NSUN5: variants seen among roughly 807,000 people sequenced by gnomAD.
NSUN5 encodes 28S rRNA (cytosine-C(5))-methyltransferase.
Under a neutral mutation model 51.1 loss-of-function variants are expected in NSUN5, and 39 were observed. The ratio of observed to expected loss-of-function variants is 0.76; its 90% CI spans 0.59 to 1.00. NSUN5 has a LOEUF of 1.00. Among genes scored for constraint, NSUN5 ranks in the 50% least tolerant of loss-of-function variants. The probability of loss-of-function intolerance (pLI) is 0.00; values close to 1 mark genes in which losing one functional copy is unlikely to be tolerated. For synonymous variants in NSUN5, 266 were observed against 271.5 expected, an observed-to-expected ratio of 0.98 and a Z score of 0.20; for missense variants, 526 against 614.0, an observed-to-expected ratio of 0.86 and a Z score of 1.51.
intron 4 of NSUN5, among the ~76,000 whole-genome samples, chr7:73,305,565 C>G (rs779853504): frequency 1.3e-5 from 2 of 150,780 alleles, no homozygotes; most frequent in Non-Finnish European, 2.9e-5. Flanking sequence ...CCCGGGTTCA[C>G]GCCATTCTCC....
intron 2 of NSUN5, 83 bp from the exon 3 acceptor site, chr7:73,307,840 C>A: frequency 8.0e-7 from 1 of 1,254,382 alleles, no homozygotes; most frequent in Non-Finnish European, 1.1e-6. Context: ...TAATGGAGCC[C>A]CGGCAATGGA....
rs1456729578 is a variant in NSUN5, at chr7:73,303,487, G to A, written c.1329C>T (p.Pro443=). The A allele has an allele frequency of 6.2e-7, 1 of 1,614,100 alleles. No individual in the cohort carries two copies. The highest frequency in any genetic ancestry group is 1.7e-5 in the Admixed American group (1 of 60,008). The change falls in exon 10 of 10, where the codon CCC becomes CCT. Residue 443 remains proline, a synonymous_variant. Coordinates refer to ENST00000438747, the MANE Select transcript of NSUN5 (RefSeq NM_148956.4). ...TCTTCTTTCTCTTTGGGGCTGGGCT[G>A]GGTGTGCGTTCTGGTGCTGATGCTT... ...QAKASAPERT[P]SPAPKRKKRQ... is the part of the protein sequence containing the mutation.
chr7:73,308,370 A>C (rs1804131661), intron 2 of NSUN5, 61 bp downstream of exon 2: 12 of 1,536,878 alleles, frequency 7.8e-6, no homozygotes, highest in African/African-American at 1.4e-5. Flanking sequence ...AGCAGAGCTG[A>C]GACCAGATGA....
intron 3 of NSUN5, 21 bp downstream of exon 3, chr7:73,307,562 C>T: frequency 1.9e-6 from 3 of 1,601,082 alleles, no homozygotes; most frequent in East Asian, 2.2e-5. Context: ...CTCCCCCACC[C>T]CCCAACTCCT....
chr7:73,308,200 C>T, intron 2 of NSUN5: 3 of 575,802 alleles, frequency 5.2e-6, no homozygotes, highest in South Asian at 5.7e-5. Context: ...CGCCCGACTT[C>T]CTTACAGTCT....
At chr7:73,307,849 G>A (rs1563292796) in intron 2 of NSUN5, 92 bp from the exon 3 acceptor site, 1 of 1,163,752 alleles carries the variant, frequency 8.6e-7, no homozygotes. Flanking sequence ...CCCGGCAATG[G>A]AATGGCTAAA....
chr7:73,304,843 A>G lies in NSUN5; in HGVS notation c.659T>C (p.Met220Thr). The G allele has an allele frequency of 3.1e-6, 5 of 1,613,886 alleles. No homozygotes were observed. The highest frequency in any genetic ancestry group is 1.7e-5 in the Admixed American group (1 of 60,014). The change falls in exon 6 of 10, where the codon ATG becomes ACG. Residue 220 changes from methionine to threonine, a missense_variant. Met to Thr is a moderately conservative substitution (Grantham distance 81, BLOSUM62 -1). Coordinates refer to ENST00000438747, the MANE Select transcript of NSUN5 (RefSeq NM_148956.4). ...LQDRASCLPA[M>T]LLDPPPGSHV... ...GGAGCCTGGCGGGGGGTCCAGCAGC[A>G]TGGCTGGGAGACAGCTGGCCTGGCA... is the stretch of plus-strand genomic sequence containing the variant.
At chr7:73,304,572 T>A (rs1395430749) in intron 6 of NSUN5, 164 bp from the exon 7 acceptor site, 34 of 847,486 alleles carry the variant, frequency 4.0e-5, no homozygotes, top group Non-Finnish European at 5.9e-5. Flanking sequence ...CCCCAAGGGC[T>A]AAGGGATCCA....
chr7:73,304,567 A>G (rs1554541505), intron 6 of NSUN5, 159 bp from the exon 7 acceptor site: 9 of 841,982 alleles, frequency 1.1e-5, no homozygotes, highest in Non-Finnish European at 1.7e-5. Flanking sequence ...CTCTGCCCCA[A>G]GGGCTAAGGG....
rs782480180 is a variant in NSUN5 at position 73,308,472 on chromosome 7, G to A, written c.175C>T (p.Leu59Phe). ...VLDAVIASAG[L>F]LRAEKKLRPH... ...CGCAGCTTCTTCTCCGCACGGAGGA[G>A]GCCGGCGCTGGCGATCACAGCATCC... The change falls in exon 2 of 10, where the codon CTC becomes TTC. Residue 59 changes from leucine (L) to phenylalanine (F), a missense_variant. Leu to Phe is a conservative substitution (Grantham distance 22). Transcript: ENST00000438747. 1.2e-6 allele frequency: 2 copies of A among 1,608,018 alleles called. No homozygotes were observed. Among genetic ancestry groups the A allele is most frequent in the African/African-American group, 1.3e-5 (1 of 74,938 alleles).
At position 73,304,799 on chromosome 7, in the gene NSUN5, C is replaced by T; in HGVS notation, c.703G>A (p.Ala235Thr). The T allele has an allele frequency of 1.9e-6, 3 of 1,613,954 alleles. No individual in the cohort carries two copies. Among genetic ancestry groups the T allele is most frequent in the Non-Finnish European group, 2.5e-6 (3 of 1,179,864 alleles). The change falls in exon 6 of 10, where the codon GCC (alanine) becomes ACC (threonine). Residue 235 changes from alanine (A) to threonine (T), a missense_variant. Coordinates refer to ENST00000438747, the MANE Select transcript of NSUN5 (RefSeq NM_148956.4). ...PPGSHVIDAC[A>T]APGNKTSHLA... ...TGACTGGTCTTATTGCCTGGGGCGGCACAGGCATCGATGACATGGGAGCCT... is the reference window on the plus strand; with the variant it reads ...TGACTGGTCTTATTGCCTGGGGCGGTACAGGCATCGATGACATGGGAGCCT...
At position 73,308,345 on chromosome 7, in the gene NSUN5, C is replaced by T. The variant is rs566835053; in HGVS notation, c.216+86G>A. The T allele has an allele frequency of 3.8e-5, 56 of 1,481,748 alleles. No homozygotes were observed. In the African/African-American group the frequency reaches 6.1e-4, roughly 16 times the overall value. 91.8% of individuals were successfully genotyped at this position (1,481,748 alleles called of 1,614,324 possible). A position where few individuals can be genotyped will look rare whatever the true frequency, so the allele number is the denominator to read the frequency against. On this transcript the variant is annotated intron_variant, in intron 2 of 9. Transcript: ENST00000438747. ...TTTCAGATGAGCGACTTGCTCCAGTCCCGCCGTGCACGGCAGCAGAGCTGA... is the reference window on the plus strand; with the variant it reads ...TTTCAGATGAGCGACTTGCTCCAGTTCCGCCGTGCACGGCAGCAGAGCTGA...
In NSUN5 at chr7:73,303,025, C is replaced by T. The variant is rs1472562530; in HGVS notation, c.*390G>A. ...CACCTGAGCTAGTTTACCTCAGTTC[C>T]GCAGGCAGGACAGCCGGTCCGGGAA... On this transcript the variant is annotated 3_prime_UTR_variant, in exon 10 of 10. Transcript: ENST00000438747. 5 of 1,285,608 alleles carry T rather than the reference C, an allele frequency of 3.9e-6. No individual in the cohort carries two copies. In the East Asian group the frequency reaches 1.1e-4, roughly 27 times the overall value. 79.6% of individuals were successfully genotyped at this position (1,285,608 alleles called of 1,614,324 possible).
chr7:73,304,577 G>A, intron 6 of NSUN5, 169 bp from the exon 7 acceptor site: 1 of 835,618 alleles, frequency 1.2e-6, no homozygotes, highest in South Asian at 1.6e-5. Context: ...AGGGCTAAGG[G>A]ATCCACATCT....
In NSUN5 at chr7:73,302,961, T is replaced by C. The variant is rs1359407294; in HGVS notation, c.*454A>G. 3.5e-6 allele frequency: 4 copies of C among 1,131,094 alleles called. No individual in the cohort carries two copies. The highest frequency in any genetic ancestry group is 3.2e-5 in the African/African-American group (2 of 62,666). The allele number at this position is 1,131,094 out of a possible 1,614,324, so 70.1% of individuals were successfully genotyped here. On this transcript the variant is annotated 3_prime_UTR_variant, in exon 10 of 10. Transcript: ENST00000438747. ...GGCCTGGGCCTAGCAATCAAGCTTC[T>C]ACCTGTACCTTATGTAAGGTAGACC...
Position 73,307,407 on chromosome 7 carries a change from C to G in NSUN5, c.487G>C (p.Gly163Arg), listed in dbSNP as rs1804081598. The G allele has an allele frequency of 6.2e-7, 1 of 1,613,970 alleles. No individual in the cohort carries two copies. Among genetic ancestry groups the G allele is most frequent in the Non-Finnish European group, 8.5e-7 (1 of 1,179,890 alleles). Residue 163 changes from glycine (G) to arginine (R), a missense_variant, in exon 4 of 10, where the codon GGT becomes CGT. Gly to Arg is a moderately radical substitution (Grantham distance 125, BLOSUM62 -2). Coordinates refer to ENST00000438747, the MANE Select transcript of NSUN5 (RefSeq NM_148956.4). ...CTAAGCTCTCACCTGGAAGCCCGACCCTGATAGGAGAAACCTTGTCTCTTG... is the reference window on the plus strand; with the variant it reads ...CTAAGCTCTCACCTGGAAGCCCGACGCTGATAGGAGAAACCTTGTCTCTTG... ...YFKRQGFSYQGRASSLDDLRA... is the reference protein window; with the variant it reads ...YFKRQGFSYQRRASSLDDLRA...
Position 73,308,470 on chromosome 7 carries a change from G to A in NSUN5, c.177C>T (p.Leu59=). Residue 59 remains leucine, a synonymous_variant, in exon 2 of 10, where the codon CTC becomes CTT. Coordinates refer to ENST00000438747, the MANE Select transcript of NSUN5 (RefSeq NM_148956.4). ...VLDAVIASAG[L]LRAEKKLRPH... ...GCCGCAGCTTCTTCTCCGCACGGAGGAGGCCGGCGCTGGCGATCACAGCAT... is the reference window on the plus strand; with the variant it reads ...GCCGCAGCTTCTTCTCCGCACGGAGAAGGCCGGCGCTGGCGATCACAGCAT... 6.2e-7 allele frequency: 1 copy of A among 1,608,056 alleles called. No homozygotes were observed. The highest frequency in any genetic ancestry group is 8.5e-7 in the Non-Finnish European group (1 of 1,176,762).
chr7:73,303,122 T>C lies in NSUN5; in HGVS notation c.*293A>G, dbSNP rs1803868153. ...GGCAGCGGGAGGCTGGGACTTTCCA[T>C]TACAAATAGAGACTTCATTCCTGTT... On this transcript the variant is annotated 3_prime_UTR_variant, in exon 10 of 10. Coordinates refer to ENST00000438747, the MANE Select transcript of NSUN5 (RefSeq NM_148956.4). 7.0e-7 allele frequency: 1 copy of C among 1,431,714 alleles called. No individual in the cohort carries two copies. The highest frequency in any genetic ancestry group is 2.9e-5 in the Admixed American group (1 of 34,788). The allele number at this position is 1,431,714 out of a possible 1,614,324, so 88.7% of individuals were successfully genotyped here. A position where few individuals can be genotyped will look rare whatever the true frequency, so the allele number is the denominator to read the frequency against.
intron 1 of NSUN5, 41 bp from the exon 2 acceptor site, chr7:73,308,594 G>A (rs1168388129): frequency 6.3e-7 from 1 of 1,587,698 alleles, no homozygotes; most frequent in African/African-American, 1.3e-5. Context: ...GGGCTCCCCC[G>A]GCCCTCCTCG....
Sources: gnomAD v4.1 joint callset for allele counts (sites outside exome capture counted in the v4.1 genomes callset) on GRCh38, gnomAD v4.1.1 for gene constraint, MANE v1.5 for transcripts, NCBI Gene and HGNC (gene_info 2026-07-23, HGNC 2026-07-21) for gene names.